Variants in ARHGEF18 observed in about 807,000 individuals in gnomAD.
ARHGEF18 encodes the protein Rho/Rac guanine nucleotide exchange factor 18, also known as rho guanine nucleotide exchange factor 18.
ARHGEF18 carries 93 observed loss-of-function variants against 155.7 expected under a neutral mutation model. The ratio of observed to expected loss-of-function variants is 0.60; its 90% CI spans 0.50 to 0.71. The LOEUF (loss-of-function observed/expected upper bound fraction) is 0.71. ARHGEF18 is among the 30% of genes least tolerant of loss of function. The pLI, the probability that ARHGEF18 is intolerant of heterozygous loss-of-function variation, is 0.00. For missense variants in ARHGEF18, 1,593 were observed against 1,816.1 expected (o/e 0.88, Z 2.23); for synonymous variants, 742 against 753.1 (o/e 0.99, Z 0.24).
rs144507762 is a variant in ARHGEF18 at position 7,382,334 on chromosome 19, G to T, written c.723-458G>T. Among the ~76,000 whole-genome samples, 528 of 152,062 alleles carry T rather than the reference G, an allele frequency of 3.5e-3. 3 individuals carry two copies. The highest frequency in any genetic ancestry group is 0.012 in the African/African-American group (512 of 41,468). ...TCGCTTGAACCTGGAGGCAGAGGCTGCAGTGAGCCGAGATTGCACCACTGC... is the reference window on the plus strand; with the variant it reads ...TCGCTTGAACCTGGAGGCAGAGGCTTCAGTGAGCCGAGATTGCACCACTGC... On this transcript the variant is annotated intron_variant, in intron 8 of 28. Coordinates refer to ENST00000668164, the MANE Select transcript of ARHGEF18 (RefSeq NM_001367823.1).
intron 23 of ARHGEF18, among the ~76,000 whole-genome samples, chr19:7,466,529 A>G (rs533974037): frequency 7.1e-6 from 1 of 141,510 alleles, no homozygotes; most frequent in South Asian, 2.3e-4. Context: ...GAAGCCAGGC[A>G]TGGTGGCTCA....
intron 10 of ARHGEF18, among the ~76,000 whole-genome samples, chr19:7,430,189 C>G (rs1275041281): frequency 2.6e-5 from 4 of 151,998 alleles, no homozygotes; most frequent in Non-Finnish European, 5.9e-5. Context: ...TTTTGAGATA[C>G]TTCCCTGTCA....
At chr19:7,398,974 C>A (rs1468963222) in intron 10 of ARHGEF18, among the ~76,000 whole-genome samples, 1 of 152,172 alleles carries the variant, frequency 6.6e-6, no homozygotes, top group South Asian at 2.1e-4. Flanking sequence ...TCAAGATCTC[C>A]CTCATTCTCA....
intron 10 of ARHGEF18, among the ~76,000 whole-genome samples, chr19:7,408,503 G>C (rs1352321296): frequency 6.6e-6 from 1 of 152,204 alleles, no homozygotes; most frequent in Non-Finnish European, 1.5e-5. Flanking sequence ...TGTTTCTAGG[G>C]CCACAATGGT....
rs1568270687 is a variant in ARHGEF18, at chr19:7,368,011, G to GGAAGGAAGGAAGGAAGGA, written c.16-4801_16-4800insGAAGGAAGGAAGGAAGGA. Among the ~76,000 whole-genome samples, 43 of 89,164 alleles carry GGAAGGAAGGAAGGAAGGA rather than the reference G, an allele frequency of 4.8e-4. 2 individuals are homozygous for GGAAGGAAGGAAGGAAGGA. Among genetic ancestry groups the GGAAGGAAGGAAGGAAGGA allele is most frequent in the African/African-American group, 1.5e-3 (39 of 26,262 alleles). The allele number at this position is 89,164 out of a possible 152,430, so 58.5% of individuals were successfully genotyped here. On this transcript the variant is annotated intron_variant, in intron 2 of 28. Transcript: ENST00000668164. ...AGAGAGAGAGAGAGAGGGAGGGAGG[G>GGAAGGAAGGAAGGAAGGA]AGGGAGGGCGGAAGGAAGGAAGGAA...
At chr19:7,377,618 T>C (rs1205008724) in intron 5 of ARHGEF18, among the ~76,000 whole-genome samples, 3 of 151,744 alleles carry the variant, frequency 2.0e-5, no homozygotes, top group Non-Finnish European at 4.4e-5. Flanking sequence ...ACCTTGTCTC[T>C]ACTAAAAATA....
chr19:7,367,894 T>TATACACATATATATA (rs71177202), intron 2 of ARHGEF18, among the ~76,000 whole-genome samples: 2 of 76,766 alleles, frequency 2.6e-5, no homozygotes, highest in Admixed American at 1.5e-4. Context: ...TTTATATATA[T>TATACACATATATATA]TTTTTATATA....
chr19:7,433,207 C>T (rs1974061692), intron 10 of ARHGEF18, among the ~76,000 whole-genome samples: 1 of 151,688 alleles, frequency 6.6e-6, no homozygotes, highest in African/African-American at 2.4e-5. Flanking sequence ...TGGCTCACAC[C>T]TGTAATCCCA....
intron 15 of ARHGEF18, among the ~76,000 whole-genome samples, chr19:7,447,894 T>C (rs569414287): frequency 3.3e-5 from 5 of 151,602 alleles, no homozygotes; most frequent in Non-Finnish European, 7.4e-5. Context: ...CTCCAGCCGC[T>C]AAGGAGGGAA....
rs369545844 is a variant in ARHGEF18, at chr19:7,416,436, T to C, written c.968-23908T>C. ...AAAATAACAATATAATAATAAATTT[T>C]TTAGAAAATAAAATGACCTTCAAAC... On this transcript the variant is annotated intron_variant, in intron 10 of 28. Transcript: ENST00000668164. 9.2e-5 allele frequency among the ~76,000 whole-genome samples: 14 copies of C among 151,840 alleles called. No homozygotes were observed. The East Asian group carries it at 9.7e-4, about 11-fold the overall frequency.
At chr19:7,358,983 A>T (rs1022014523) in intron 1 of ARHGEF18, among the ~76,000 whole-genome samples, 1 of 152,222 alleles carries the variant, frequency 6.6e-6, no homozygotes, top group African/African-American at 2.4e-5. Flanking sequence ...TTTTCTATAA[A>T]GAGCTAGGCA....
intron 10 of ARHGEF18, among the ~76,000 whole-genome samples, chr19:7,412,139 A>T (rs7255362): frequency 2.9e-4 from 44 of 150,604 alleles, no homozygotes; most frequent in Non-Finnish European, 8.9e-5. Flanking sequence ...GGGTTCAAGC[A>T]ATTCTCCTGC....
chr19:7,473,930 C>G (rs1431208004), downstream of ARHGEF18, among the ~76,000 whole-genome samples: 1 of 150,762 alleles, frequency 6.6e-6, no homozygotes, highest in African/African-American at 2.4e-5. Flanking sequence ...TTGCAGTGAG[C>G]TATGATCGTG....
downstream of ARHGEF18, chr19:7,477,104 A>C (rs1200256151): frequency 8.6e-7 from 1 of 1,156,876 alleles, no homozygotes; most frequent in Non-Finnish European, 1.2e-6. Flanking sequence ...CACCACAGGC[A>C]GCTCCATGAG....
At chr19:7,475,525 A>AACACACAT (rs1555733410), downstream of ARHGEF18, among the ~76,000 whole-genome samples, 1 of 150,342 alleles carries the variant, frequency 6.7e-6, no homozygotes, top group African/African-American at 2.5e-5. Flanking sequence ...AAACTGTTTA[A>AACACACAT]ACACACACAC....
intron 8 of ARHGEF18, among the ~76,000 whole-genome samples, chr19:7,382,050 G>A (rs1458763855): frequency 1.3e-5 from 2 of 152,142 alleles, no homozygotes; most frequent in African/African-American, 2.4e-5. Flanking sequence ...TGAAATCCAG[G>A]AAACCATGCC....
chr19:7,359,251 C>A (rs1373745607), intron 1 of ARHGEF18, among the ~76,000 whole-genome samples: 2 of 152,076 alleles, frequency 1.3e-5, no homozygotes, highest in Admixed American at 1.3e-4. Context: ...AAAGGACACA[C>A]CAACTCCAGG....
intron 10 of ARHGEF18, among the ~76,000 whole-genome samples, chr19:7,434,726 C>T (rs1182970347): frequency 6.6e-6 from 1 of 152,214 alleles, no homozygotes; most frequent in African/African-American, 2.4e-5. Flanking sequence ...TGTTGAGCTG[C>T]AAATCAGATG....
At chr19:7,478,371 A>G in the ARHGEF18 span, 1 of 1,609,830 alleles carries the variant, frequency 6.2e-7, no homozygotes, top group Non-Finnish European at 8.5e-7. Context: ...CAGCATCCAC[A>G]GGGACCTGCA....
Sources: gnomAD v4.1 joint callset for allele counts (sites outside exome capture counted in the v4.1 genomes callset) on GRCh38, gnomAD v4.1.1 for gene constraint, MANE v1.5 for transcripts, NCBI Gene and HGNC (gene_info 2026-07-23, HGNC 2026-07-21) for gene names.